SAMD3: variants seen among roughly 807,000 people sequenced by gnomAD.
SAMD3 encodes the protein sterile alpha motif domain-containing protein 3.
A neutral mutation model predicts 58.5 loss-of-function variants in SAMD3; 63 were observed. The ratio of observed to expected loss-of-function variants is 1.08; its 90% confidence interval spans 0.88 to 1.33. SAMD3 has a LOEUF of 1.33. SAMD3 is among the 40% of genes most tolerant of loss of function. SAMD3 has a pLI of 0.00. For missense variants in SAMD3, 604 were observed against 608.4 expected (o/e 0.99, Z 0.08); for synonymous variants, 220 against 210.3 (o/e 1.05, Z -0.40).
chr6:130,365,138 T>C, exon 1 of SAMD3: 4 of 972,062 alleles, frequency 4.1e-6, no homozygotes, highest in Non-Finnish European at 4.9e-6. Flanking sequence ...CCTGCATATA[T>C]ACAGTCATCA....
At chr6:130,177,866 T>C (rs1267824615) in intron 7 of SAMD3, among the ~76,000 whole-genome samples, 1 of 152,146 alleles carries the variant, frequency 6.6e-6, no homozygotes, top group East Asian at 1.9e-4. Context: ...CTTGTGTCAA[T>C]ACTCTGTGAA....
intron 1 of SAMD3, among the ~76,000 whole-genome samples, chr6:130,343,494 C>T (rs922522909): frequency 6.6e-6 from 1 of 152,154 alleles, no homozygotes; most frequent in African/African-American, 2.4e-5. Context: ...AGATTGTCCA[C>T]ATATTCCTTT....
chr6:130,276,530 T>A (rs986710130), intron 2 of SAMD3, among the ~76,000 whole-genome samples: 1 of 152,102 alleles, frequency 6.6e-6, no homozygotes, highest in African/African-American at 2.4e-5. Flanking sequence ...TATAAAGCTA[T>A]AATAATTAAA....
At chr6:130,294,707 G>A (rs770669683) in intron 2 of SAMD3, among the ~76,000 whole-genome samples, 2 of 148,672 alleles carry the variant, frequency 1.3e-5, no homozygotes, top group Admixed American at 6.7e-5. Flanking sequence ...GTAAAAATTT[G>A]TACATGATTG....
At chr6:130,309,854 T>C (rs533593261) in intron 2 of SAMD3, among the ~76,000 whole-genome samples, 98 of 152,334 alleles carry the variant, frequency 6.4e-4, no homozygotes, top group African/African-American at 2.3e-3. Context: ...ACCTTTTTAA[T>C]TGTATATTTC....
intron 2 of SAMD3, among the ~76,000 whole-genome samples, chr6:130,232,699 A>G (rs1301235708): frequency 1.3e-5 from 2 of 152,214 alleles, no homozygotes; most frequent in Non-Finnish European, 2.9e-5. Context: ...GAAAAGAAAG[A>G]TCATAACTGT....
intron 2 of SAMD3, among the ~76,000 whole-genome samples, chr6:130,306,899 A>C (rs931150414): frequency 6.6e-6 from 1 of 152,202 alleles, no homozygotes; most frequent in Non-Finnish European, 1.5e-5. Context: ...CTATAATGAT[A>C]TTTTAAGCTA....
At chr6:130,158,620 C>G (rs1455236890) in intron 8 of SAMD3, among the ~76,000 whole-genome samples, 2 of 152,166 alleles carry the variant, frequency 1.3e-5, no homozygotes, top group Non-Finnish European at 2.9e-5. Flanking sequence ...CAGTGGAGGG[C>G]CTTGACTACA....
intron 9 of SAMD3, 59 bp from the exon 10 acceptor site, chr6:130,146,240 T>C: frequency 1.9e-6 from 2 of 1,065,420 alleles, no homozygotes; most frequent in Non-Finnish European, 1.3e-6. Context: ...ATATATAGAA[T>C]GTAAAGACAT....
chr6:130,148,254 C>G (rs1476659935), intron 9 of SAMD3, among the ~76,000 whole-genome samples: 4 of 152,178 alleles, frequency 2.6e-5, no homozygotes, highest in Admixed American at 2.6e-4. Flanking sequence ...CATATATTTA[C>G]TTACTTATTT....
chr6:130,348,345 GA>G (rs1257642548), intron 1 of SAMD3, among the ~76,000 whole-genome samples: 4 of 152,134 alleles, frequency 2.6e-5, no homozygotes, highest in Non-Finnish European at 5.9e-5. Flanking sequence ...CTTATGTGCA[GA>G]GACACACATA....
At chr6:130,248,498 GA>G (rs1448541359) in intron 2 of SAMD3, among the ~76,000 whole-genome samples, 1 of 152,078 alleles carries the variant, frequency 6.6e-6, no homozygotes, top group African/African-American at 2.4e-5. Context: ...TGTTAACAAG[GA>G]AGAGTATTTG....
chr6:130,150,116 C>A (rs536909808), intron 9 of SAMD3, among the ~76,000 whole-genome samples: 3 of 151,578 alleles, frequency 2.0e-5, no homozygotes, highest in African/African-American at 7.3e-5. Context: ...TGTGTGTGCG[C>A]GCGTGTGTGT....
chr6:130,343,997 C>T (rs935839118), intron 1 of SAMD3, among the ~76,000 whole-genome samples: 1 of 151,414 alleles, frequency 6.6e-6, no homozygotes, highest in Non-Finnish European at 1.5e-5. Flanking sequence ...GTCAAGGACA[C>T]CCCTTTTACC....
chr6:130,188,628 C>T (rs1215834388), intron 5 of SAMD3, among the ~76,000 whole-genome samples: 2 of 152,150 alleles, frequency 1.3e-5, no homozygotes, highest in African/African-American at 4.8e-5. Flanking sequence ...AATCTCTTCC[C>T]AATCACCTCA....
chr6:130,251,535 A>T (rs75072044), intron 2 of SAMD3, among the ~76,000 whole-genome samples: 2 of 152,098 alleles, frequency 1.3e-5, no homozygotes, highest in African/African-American at 4.8e-5. Context: ...TCTTTTATCT[A>T]TGTCAGATAA....
At chr6:130,196,283 C>T (rs1794102487) in intron 5 of SAMD3, among the ~76,000 whole-genome samples, 1 of 152,270 alleles carries the variant, frequency 6.6e-6, no homozygotes, top group South Asian at 2.1e-4. Context: ...CTTCCTCATA[C>T]CTGATTCATA....
chr6:130,362,998 CCCT>C (rs1476023844), intron 1 of SAMD3, among the ~76,000 whole-genome samples: 1 of 151,910 alleles, frequency 6.6e-6, no homozygotes, highest in African/African-American at 2.4e-5. Context: ...ATATTCCTCC[CCCT>C]ATTTACTTAT....
chr6:130,344,301 A>T (rs13362616), intron 1 of SAMD3, among the ~76,000 whole-genome samples: 23,593 of 152,188 alleles, frequency 0.16, 2,156 homozygotes, highest in East Asian at 0.36. Flanking sequence ...AAATCCTGGA[A>T]TCTATTTTTT....
Sources: gnomAD v4.1 joint callset for allele counts (sites outside exome capture counted in the v4.1 genomes callset) on GRCh38, gnomAD v4.1.1 for gene constraint, MANE v1.5 for transcripts, NCBI Gene and HGNC (gene_info 2026-07-23, HGNC 2026-07-21) for gene names.